The following RARB variants were observed in gnomAD, a reference collection of about 807,000 sequenced individuals.
RARB encodes the protein retinoic acid receptor beta, also known as HBV-activated protein.
RARB carries 17 observed loss-of-function variants against 51.9 expected under a neutral mutation model. The observed-to-expected ratio is 0.33, with a 90% confidence interval of 0.22 to 0.49. The LOEUF is 0.49. Among genes scored for constraint, RARB ranks in the 20% least tolerant of loss-of-function variants. The pLI is 0.99. For synonymous variants in RARB, 215 were observed against 195.4 expected, an observed-to-expected ratio of 1.10 and a Z score of -0.84; for missense variants, 369 against 550.8, an observed-to-expected ratio of 0.67 and a Z score of 3.30.
At chr3:25,358,590 C>G (rs1357062979) in intron 5 of RARB, among the ~76,000 whole-genome samples, 1 of 152,150 alleles carries the variant, frequency 6.6e-6, no homozygotes, top group East Asian at 1.9e-4. Flanking sequence ...CAGGTTTGCC[C>G]ATTCAGTATG....
At chr3:25,210,455 G>C (rs1436243) in intron 5 of RARB, among the ~76,000 whole-genome samples, 121,139 of 150,356 alleles carry the variant, frequency 0.81, 48,972 homozygotes, top group Admixed American at 0.85. Flanking sequence ...TTATATATGG[G>C]TGTTTTCTCA....
At chr3:24,889,116 TC>T (rs1235229085) in intron 2 of RARB, among the ~76,000 whole-genome samples, 1 of 152,168 alleles carries the variant, frequency 6.6e-6, no homozygotes, top group Non-Finnish European at 1.5e-5. Flanking sequence ...TACATATGGA[TC>T]CAGCCCACCA....
At chr3:25,232,330 T>A (rs2125390887) in intron 5 of RARB, among the ~76,000 whole-genome samples, 1 of 152,288 alleles carries the variant, frequency 6.6e-6, no homozygotes, top group East Asian at 1.9e-4. Context: ...TCCACGTAAG[T>A]GTTAGACTCA....
At chr3:25,211,607 C>T (rs896025709) in intron 5 of RARB, among the ~76,000 whole-genome samples, 3 of 152,162 alleles carry the variant, frequency 2.0e-5, no homozygotes, top group Admixed American at 6.5e-5. Context: ...TGATTCAAAT[C>T]TGAAATTCAA....
chr3:25,257,749 C>T (rs1007018408), intron 5 of RARB, among the ~76,000 whole-genome samples: 1 of 152,008 alleles, frequency 6.6e-6, no homozygotes, highest in African/African-American at 2.4e-5. Context: ...AACTTCTCTT[C>T]ATCTATTTTA....
chr3:24,918,680 C>T (rs1423954530), intron 2 of RARB, among the ~76,000 whole-genome samples: 2 of 152,118 alleles, frequency 1.3e-5, no homozygotes, highest in African/African-American at 4.8e-5. Context: ...GTCAGGAGTT[C>T]AAGACCATCC....
At chr3:25,419,849 G>C (rs1432256491) in intron 5 of RARB, among the ~76,000 whole-genome samples, 1 of 152,074 alleles carries the variant, frequency 6.6e-6, no homozygotes, top group Non-Finnish European at 1.5e-5. Flanking sequence ...TTTTGAAACT[G>C]TTGCCTTCTG....
intron 4 of RARB, among the ~76,000 whole-genome samples, chr3:25,161,062 G>A (rs1464885120): frequency 6.6e-6 from 1 of 152,046 alleles, no homozygotes; most frequent in Non-Finnish European, 1.5e-5. Context: ...GCCCAGGCTA[G>A]AGTGCAGTGG....
chr3:25,257,685 A>G (rs1402398842), intron 5 of RARB, among the ~76,000 whole-genome samples: 2 of 152,032 alleles, frequency 1.3e-5, no homozygotes, highest in Admixed American at 6.6e-5. Context: ...GCTCCTTCCT[A>G]GGCTCTATCT....
chr3:25,255,906 C>G (rs1331031306), intron 5 of RARB, among the ~76,000 whole-genome samples: 2 of 152,002 alleles, frequency 1.3e-5, no homozygotes, highest in Non-Finnish European at 2.9e-5. Flanking sequence ...ATATGAAATG[C>G]TTTAATAATG....
chr3:25,259,384 T>G (rs1702943349), intron 5 of RARB, among the ~76,000 whole-genome samples: 1 of 151,896 alleles, frequency 6.6e-6, no homozygotes, highest in East Asian at 1.9e-4. Flanking sequence ...ATGTAAAAAA[T>G]GTAAGAAAAA....
At chr3:25,372,459 A>G (rs1362330552) in intron 5 of RARB, among the ~76,000 whole-genome samples, 1 of 152,222 alleles carries the variant, frequency 6.6e-6, no homozygotes, top group Non-Finnish European at 1.5e-5. Flanking sequence ...CATAATAGTG[A>G]AAGCCAAAAG....
intron 2 of RARB, among the ~76,000 whole-genome samples, chr3:24,910,283 C>G (rs1458361499): frequency 6.6e-6 from 1 of 152,166 alleles, no homozygotes; most frequent in East Asian, 1.9e-4. Flanking sequence ...TTTCCACCAT[C>G]CCTTCAAAGA....
chr3:25,152,976 GACAA>G (rs1233095090), intron 4 of RARB, among the ~76,000 whole-genome samples: 1 of 152,150 alleles, frequency 6.6e-6, no homozygotes, highest in Non-Finnish European at 1.5e-5. Flanking sequence ...GTAGAACCAT[GACAA>G]ACAGTTTGAA....
chr3:24,913,498 T>C (rs1022279833), intron 2 of RARB, among the ~76,000 whole-genome samples: 1 of 146,616 alleles, frequency 6.8e-6, no homozygotes, highest in Non-Finnish European at 1.5e-5. Flanking sequence ...GAGTGAAAAA[T>C]ACAATTTCAG....
In RARB at chr3:25,104,652, AAAG is replaced by A. The variant is rs535590232; in HGVS notation, c.-327-27506_-327-27504del. ...CAATGAGACTCCATCACAAAAGAGAAAAGAAAAAAATCTCACAGTGATACTATT... is the reference window on the plus strand; with the variant it reads ...CAATGAGACTCCATCACAAAAGAGAAAAAAAAATCTCACAGTGATACTATT... On this transcript the variant is annotated intron_variant, in intron 3 of 11. Coordinates refer to the RARB transcript ENST00000383772. 1.2e-3 allele frequency among the ~76,000 whole-genome samples: 190 copies of A among 152,230 alleles called. 4 individuals carry two copies. The South Asian group carries it at 0.036, about 29-fold the overall frequency.
intron 2 of RARB, among the ~76,000 whole-genome samples, chr3:24,934,865 C>G (rs1250560341): frequency 6.6e-6 from 1 of 152,016 alleles, no homozygotes; most frequent in Non-Finnish European, 1.5e-5. Context: ...TATGATTTAT[C>G]AAGCAGCAAA....
intron 5 of RARB, among the ~76,000 whole-genome samples, chr3:25,318,024 A>G (rs930759956): frequency 1.3e-5 from 2 of 152,200 alleles, no homozygotes; most frequent in East Asian, 3.9e-4. Flanking sequence ...GATTTTGAAT[A>G]TGTGTTACTT....
At chr3:25,098,926 G>T (rs1575159561) in intron 3 of RARB, among the ~76,000 whole-genome samples, 2 of 152,270 alleles carry the variant, frequency 1.3e-5, no homozygotes. Flanking sequence ...AAATTTTAAA[G>T]AATGTTTTCC....
Sources: allele counts gnomAD v4.1 joint callset (sites outside exome capture counted in the v4.1 genomes callset), GRCh38; gene constraint gnomAD v4.1.1; transcripts MANE v1.5; gene names NCBI Gene and HGNC (gene_info 2026-07-23, HGNC 2026-07-21).